CPQ: variants seen among roughly 807,000 people sequenced by gnomAD.
CPQ encodes carboxypeptidase Q, also known as Ser-Met dipeptidase.
A neutral mutation model predicts 45.7 loss-of-function variants in CPQ; 37 were observed. That is an observed-to-expected ratio of 0.81 (90% CI 0.62 to 1.07). CPQ has a LOEUF of 1.07. Ranked by LOEUF, CPQ falls within the 50% of genes least tolerant of loss-of-function variation. The pLI is 0.00. For synonymous variants in CPQ, 186 were observed against 205.8 expected, an observed-to-expected ratio of 0.90 and a Z score of 0.82; for missense variants, 537 against 572.9, an observed-to-expected ratio of 0.94 and a Z score of 0.64.
At chr8:97,008,163 C>A (rs1809420279) in intron 5 of CPQ, among the ~76,000 whole-genome samples, 1 of 151,968 alleles carries the variant, frequency 6.6e-6, no homozygotes, top group Non-Finnish European at 1.5e-5. Flanking sequence ...CATTTAATAT[C>A]AGTTATCACT....
intron 1 of CPQ, among the ~76,000 whole-genome samples, chr8:96,669,175 GT>G (rs930671455): frequency 1.4e-4 from 22 of 152,312 alleles, no homozygotes; most frequent in African/African-American, 4.8e-4. Flanking sequence ...ATCCCCACTT[GT>G]GATGTCAGCG....
intron 1 of CPQ, among the ~76,000 whole-genome samples, chr8:96,709,632 T>A (rs1263694908): frequency 6.6e-6 from 1 of 152,166 alleles, no homozygotes; most frequent in Non-Finnish European, 1.5e-5. Context: ...GATTGCTGGG[T>A]ATCTACTTTA....
chr8:97,093,276 C>T (rs1230004835), intron 7 of CPQ, among the ~76,000 whole-genome samples: 2 of 152,128 alleles, frequency 1.3e-5, no homozygotes, highest in African/African-American at 4.8e-5. Flanking sequence ...TTTCAAAGAA[C>T]TTAAAACAGG....
chr8:97,051,552 A>C (rs1442559026), intron 6 of CPQ, among the ~76,000 whole-genome samples: 3 of 152,232 alleles, frequency 2.0e-5, no homozygotes, highest in Non-Finnish European at 4.4e-5. Flanking sequence ...GCTTACATTC[A>C]TAAGTAAAGA....
chr8:96,850,936 A>T (rs1811763151), intron 3 of CPQ, among the ~76,000 whole-genome samples: 1 of 152,160 alleles, frequency 6.6e-6, no homozygotes, highest in Non-Finnish European at 1.5e-5. Context: ...TATTCCCTTT[A>T]GAAAACTTAA....
At chr8:96,786,861 A>C (rs544613742) in intron 2 of CPQ, among the ~76,000 whole-genome samples, 1 of 152,202 alleles carries the variant, frequency 6.6e-6, no homozygotes, top group Non-Finnish European at 1.5e-5. Context: ...CCCAGTTTTT[A>C]ATCGGACTAT....
intron 1 of CPQ, among the ~76,000 whole-genome samples, chr8:96,766,220 T>C (rs1177085548): frequency 1.3e-5 from 2 of 152,134 alleles, no homozygotes; most frequent in African/African-American, 4.8e-5. Context: ...AAGATCAATA[T>C]TGGTTTTCAT....
chr8:96,944,877 G>A (rs758384469), intron 4 of CPQ, among the ~76,000 whole-genome samples: 2 of 151,890 alleles, frequency 1.3e-5, no homozygotes, highest in Non-Finnish European at 2.9e-5. Context: ...GAAATACCTC[G>A]AATTCCTTTT....
intron 2 of CPQ, among the ~76,000 whole-genome samples, chr8:96,824,804 A>G (rs899594545): frequency 2.0e-5 from 3 of 152,118 alleles, no homozygotes; most frequent in East Asian, 3.9e-4. Flanking sequence ...AAAACTTCCT[A>G]TTCATTTTGT....
intron 4 of CPQ, among the ~76,000 whole-genome samples, chr8:96,946,750 C>A (rs1813194701): frequency 1.3e-5 from 2 of 152,116 alleles, no homozygotes; most frequent in Non-Finnish European, 2.9e-5. Flanking sequence ...AAGACTTCAG[C>A]ACTCAAACTC....
intron 4 of CPQ, among the ~76,000 whole-genome samples, chr8:96,935,624 G>A (rs1250098910): frequency 6.6e-6 from 1 of 152,138 alleles, no homozygotes; most frequent in African/African-American, 2.4e-5. Context: ...ATTCCTGATA[G>A]CATTAGCCTT....
At chr8:96,713,572 G>C (rs1381691478) in intron 1 of CPQ, among the ~76,000 whole-genome samples, 1 of 152,154 alleles carries the variant, frequency 6.6e-6, no homozygotes, top group Non-Finnish European at 1.5e-5. Context: ...AAAACCATCA[G>C]ATCTTGTGAG....
At chr8:96,892,625 G>A (rs1177931070) in intron 4 of CPQ, among the ~76,000 whole-genome samples, 2 of 152,036 alleles carry the variant, frequency 1.3e-5, no homozygotes, top group African/African-American at 4.8e-5. Flanking sequence ...ATCATGGAAG[G>A]AAAAATACAT....
Position 96,881,253 on chromosome 8 carries a change from G to C in CPQ, c.849+1248G>C, listed in dbSNP as rs934645060. Reference sequence around the variant, plus strand: ...TAATTGGTTCACAGTTCTGCAGGCTGTACAGGAAGCATGGCGGCATCTGCT... The same window carrying C: ...TAATTGGTTCACAGTTCTGCAGGCTCTACAGGAAGCATGGCGGCATCTGCT... On this transcript the variant is annotated intron_variant, in intron 4 of 7. Coordinates refer to ENST00000220763, the MANE Select transcript of CPQ (RefSeq NM_016134.4). Among the ~76,000 whole-genome samples the C allele has an allele frequency of 2.6e-5, 4 of 152,310 alleles. No individual in the cohort carries two copies. The South Asian group carries it at 8.3e-4, about 32-fold the overall frequency.
chr8:96,768,294 T>G (rs1289935420), intron 1 of CPQ, among the ~76,000 whole-genome samples: 1 of 152,100 alleles, frequency 6.6e-6, no homozygotes, highest in Non-Finnish European at 1.5e-5. Context: ...AACACTTTTT[T>G]TTTTTTTTGC....
Position 97,080,921 on chromosome 8 carries a change from C to CTTCCTTCCTTCTTTCCTTCT in CPQ, c.1255+14730_1255+14731insTTTCCTTCCTTCTTTCCTTC, listed in dbSNP as rs1230604515. On this transcript the variant is annotated intron_variant, in intron 7 of 7. Transcript: ENST00000220763. ...CTTAGTACCCACCCTTCTTTCCTTC[C>CTTCCTTCCTTCTTTCCTTCT]TTCCTTCCTTCTTTCCTTCCTTCCT... Among the ~76,000 whole-genome samples, 6 of 150,464 alleles carry CTTCCTTCCTTCTTTCCTTCT rather than the reference C, an allele frequency of 4.0e-5. No individual in the cohort carries two copies. In the East Asian group the frequency reaches 1.2e-3, roughly 29 times the overall value.
intron 1 of CPQ, among the ~76,000 whole-genome samples, chr8:96,764,934 T>C (rs972521648): frequency 1.3e-5 from 2 of 152,200 alleles, no homozygotes; most frequent in Admixed American, 6.5e-5. Flanking sequence ...AGAGGCTACT[T>C]TTTTCAAGTC....
chr8:96,648,994 T>G (rs931689734), intron 1 of CPQ, among the ~76,000 whole-genome samples: 1 of 152,242 alleles, frequency 6.6e-6, no homozygotes, highest in African/African-American at 2.4e-5. Flanking sequence ...TGTTTTGTTT[T>G]GTTTTGAGGC....
intron 3 of CPQ, among the ~76,000 whole-genome samples, chr8:96,861,088 G>A (rs773466595): frequency 8.5e-5 from 13 of 152,066 alleles, no homozygotes; most frequent in African/African-American, 2.9e-4. Flanking sequence ...TCTCTCTTAT[G>A]CATTTGACAT....
Sources: allele counts gnomAD v4.1 joint callset (sites outside exome capture counted in the v4.1 genomes callset), GRCh38; gene constraint gnomAD v4.1.1; transcripts MANE v1.5; gene names NCBI Gene and HGNC (gene_info 2026-07-23, HGNC 2026-07-21).